Variants in HK1 observed in about 807,000 individuals in gnomAD.
The protein encoded by HK1 is hexokinase-1.
Under a neutral mutation model 91.6 loss-of-function variants are expected in HK1, and 28 were observed. The ratio of observed to expected loss-of-function variants is 0.31; its 90% CI spans 0.23 to 0.42. The LOEUF is 0.42. Ranked by LOEUF, HK1 falls within the 10% of genes least tolerant of loss-of-function variation. The pLI, the probability that HK1 is intolerant of heterozygous loss-of-function variation, is 1.00. For synonymous variants in HK1, 430 were observed against 468.1 expected, an observed-to-expected ratio of 0.92 and a Z score of 1.05; for missense variants, 770 against 1,219.8, an observed-to-expected ratio of 0.63 and a Z score of 5.49.
chr10:69,306,348 A>C (rs940227683), intron 5 of HK1, among the ~76,000 whole-genome samples: 1 of 151,762 alleles, frequency 6.6e-6, no homozygotes, highest in Non-Finnish European at 1.5e-5. Context: ...ACAGAGTGAG[A>C]CTCTGTCTCA....
At chr10:69,301,949 A>C (rs1463947371) in intron 5 of HK1, among the ~76,000 whole-genome samples, 1 of 152,198 alleles carries the variant, frequency 6.6e-6, no homozygotes, top group Non-Finnish European at 1.5e-5. Flanking sequence ...TCCTGATTTC[A>C]AAATTTTAAA....
rs111449534 is a variant in HK1 at position 69,360,531 on chromosome 10, T to C, written c.375+486T>C. On this transcript the variant is annotated intron_variant, in intron 3 of 17. Coordinates refer to ENST00000359426, the MANE Select transcript of HK1 (RefSeq NM_000188.3). ...CTCTGGGCTATTTGGGGGCTTCTTG[T>C]TACCTGATTTAGAATACCATTGCAC... Among the ~76,000 whole-genome samples the C allele has an allele frequency of 6.0e-3, 907 of 152,288 alleles. 8 individuals carry two copies. The highest frequency in any genetic ancestry group is 0.021 in the African/African-American group (873 of 41,560).
At chr10:69,298,589 C>G (rs1053722041) in intron 4 of HK1, among the ~76,000 whole-genome samples, 4 of 151,616 alleles carry the variant, frequency 2.6e-5, no homozygotes, top group Non-Finnish European at 5.9e-5. Context: ...ATTTGTGCCC[C>G]TGCACCCCAG....
At chr10:69,306,148 A>T (rs1846091846) in intron 5 of HK1, among the ~76,000 whole-genome samples, 1 of 152,060 alleles carries the variant, frequency 6.6e-6, no homozygotes, top group South Asian at 2.1e-4. Flanking sequence ...TGAGGTCAGG[A>T]GATTGAGACT....
At chr10:69,277,505 C>G (rs905565402) in intron 1 of HK1, among the ~76,000 whole-genome samples, 1 of 152,058 alleles carries the variant, frequency 6.6e-6, no homozygotes, top group African/African-American at 2.4e-5. Context: ...GAGGTCGAGG[C>G]TGCAGTGAGC....
chr10:69,272,993 G>T (rs955547650), intron 1 of HK1, among the ~76,000 whole-genome samples: 8 of 129,944 alleles, frequency 6.2e-5, no homozygotes, highest in East Asian at 2.2e-4. Flanking sequence ...TTTTTTCTCT[G>T]TGCTTCCGTT....
At chr10:69,302,425 A>G (rs1411472130) in intron 5 of HK1, among the ~76,000 whole-genome samples, 1 of 144,142 alleles carries the variant, frequency 6.9e-6, no homozygotes, top group Non-Finnish European at 1.5e-5. Context: ...CCCAGGCTGG[A>G]GTGCAGTGGT....
At chr10:69,290,381 T>C (rs1159624847) in intron 3 of HK1, among the ~76,000 whole-genome samples, 1 of 152,208 alleles carries the variant, frequency 6.6e-6, no homozygotes, top group African/African-American at 2.4e-5. Flanking sequence ...GGTGGTTATC[T>C]TTCCCTCAGT....
chr10:69,309,173 TTTTC>T (rs1287354641), intron 5 of HK1, among the ~76,000 whole-genome samples: 1 of 151,438 alleles, frequency 6.6e-6, no homozygotes, highest in African/African-American at 2.4e-5. Context: ...ACTTTGTCTC[TTTTC>T]TTTCTTTCTT....
At chr10:69,393,517 G>A (rs1016951407) in intron 15 of HK1, among the ~76,000 whole-genome samples, 1 of 151,972 alleles carries the variant, frequency 6.6e-6, no homozygotes, top group Non-Finnish European at 1.5e-5. Flanking sequence ...GACTGGTCTC[G>A]AACTCCTGAC....
chr10:69,397,692 T>C (rs1323890069), intron 16 of HK1, among the ~76,000 whole-genome samples: 1 of 152,236 alleles, frequency 6.6e-6, no homozygotes, highest in Non-Finnish European at 1.5e-5. Context: ...ATGTAAAATA[T>C]ATGTTACATG....
At chr10:69,324,833 C>T (rs1175947066) in intron 1 of HK1, among the ~76,000 whole-genome samples, 2 of 152,072 alleles carry the variant, frequency 1.3e-5, no homozygotes, top group Admixed American at 6.6e-5. Context: ...GCCTAATAAA[C>T]CTTAACAACG....
chr10:69,325,044 ATTTTTTTTTTT>A (rs1046990181), intron 1 of HK1, among the ~76,000 whole-genome samples: 45 of 93,904 alleles, frequency 4.8e-4, no homozygotes, highest in Non-Finnish European at 8.2e-4. Flanking sequence ...AAAAATGTGT[ATTTTTTTTTTT>A]TTTTTTTTTT....
chr10:69,357,461 C>CT (rs1048530983), intron 2 of HK1, among the ~76,000 whole-genome samples: 2 of 152,014 alleles, frequency 1.3e-5, no homozygotes, highest in African/African-American at 4.8e-5. Context: ...TTCTTTTCTT[C>CT]TTTTTTTGAG....
intron 2 of HK1, among the ~76,000 whole-genome samples, chr10:69,358,268 G>T (rs557819250): frequency 6.6e-6 from 1 of 152,278 alleles, no homozygotes; most frequent in African/African-American, 2.4e-5. Flanking sequence ...ATGAAGGGTA[G>T]AGAATGTTTG....
chr10:69,288,678 A>G, exon 3 of HK1: 1 of 1,530,866 alleles, frequency 6.5e-7, no homozygotes, highest in South Asian at 1.1e-5. Context: ...TAGGCGTTCA[A>G]GACCCAGCTG....
chr10:69,322,787 G>T (rs922147697), intron 1 of HK1, among the ~76,000 whole-genome samples: 5 of 152,038 alleles, frequency 3.3e-5, no homozygotes, highest in African/African-American at 4.8e-5. Flanking sequence ...CTACTTGGGA[G>T]GCTGAGGCCG....
intron 2 of HK1, among the ~76,000 whole-genome samples, chr10:69,284,617 C>T (rs1046901571): frequency 1.3e-5 from 2 of 152,070 alleles, no homozygotes; most frequent in African/African-American, 4.8e-5. Context: ...AGTTTGAGAC[C>T]AGCCTGGGCA....
chr10:69,375,835 C>T (rs751541331), intron 7 of HK1, among the ~76,000 whole-genome samples: 5 of 152,198 alleles, frequency 3.3e-5, no homozygotes, highest in African/African-American at 7.2e-5. Context: ...TGCCAGCTCC[C>T]GGCTGGGCCT....
Sources: gnomAD v4.1 joint callset for allele counts (sites outside exome capture counted in the v4.1 genomes callset) on GRCh38, gnomAD v4.1.1 for gene constraint, MANE v1.5 for transcripts, NCBI Gene and HGNC (gene_info 2026-07-23, HGNC 2026-07-21) for gene names.